BLTP1: variants seen among roughly 807,000 people sequenced by gnomAD.
BLTP1 encodes bridge-like lipid transfer protein family member 1.
At chr4:122,234,958 A>G in the BLTP1 span, 1 of 1,613,710 alleles carries the variant, frequency 6.2e-7, no homozygotes, top group Non-Finnish European at 8.5e-7. Flanking sequence ...GATATGTATT[A>G]TGGACAGTCT....
the BLTP1 span, among the ~76,000 whole-genome samples, chr4:122,311,723 G>T: frequency 6.6e-6 from 1 of 152,124 alleles, no homozygotes; most frequent in Non-Finnish European, 1.5e-5. Flanking sequence ...TAAATATTAG[G>T]ACAATATCAT....
At chr4:122,188,865 T>A in the BLTP1 span, 3 of 768,192 alleles carry the variant, frequency 3.9e-6, no homozygotes, top group Non-Finnish European at 3.2e-6. Flanking sequence ...GAAACATGAT[T>A]ATTCCTTTTT....
the BLTP1 span, chr4:122,292,243 C>T: frequency 3.4e-6 from 2 of 581,548 alleles, no homozygotes; most frequent in Non-Finnish European, 4.3e-6. Context: ...GCTGGGATTA[C>T]AGGCGTGAGC....
At chr4:122,257,659 A>G in the BLTP1 span, among the ~76,000 whole-genome samples, 1 of 152,154 alleles carries the variant, frequency 6.6e-6, no homozygotes, top group Non-Finnish European at 1.5e-5. Context: ...GTTTTTCCTC[A>G]CAGTTACAAA....
the BLTP1 span, chr4:122,324,381 T>C: frequency 3.8e-6 from 6 of 1,563,878 alleles, no homozygotes; most frequent in Non-Finnish European, 5.2e-6. Flanking sequence ...TCAAATACAG[T>C]AAATAATCAC....
the BLTP1 span, chr4:122,192,157 C>T: frequency 4.6e-6 from 7 of 1,515,720 alleles, no homozygotes; most frequent in African/African-American, 9.7e-5. Context: ...AATGTTGGAG[C>T]TACTGATCTA....
chr4:122,247,199 G>A, the BLTP1 span: 1 of 1,613,146 alleles, frequency 6.2e-7, no homozygotes, highest in Non-Finnish European at 8.5e-7. Flanking sequence ...GAACCTGGTA[G>A]AACATCAAAT....
the BLTP1 span, chr4:122,298,736 G>C: frequency 8.2e-5 from 36 of 441,008 alleles, no homozygotes; most frequent in Non-Finnish European, 1.1e-4. Context: ...ATAAATAGAG[G>C]ATGTATTGAG....
At chr4:122,154,921 T>A in the BLTP1 span, 1 of 948,334 alleles carries the variant, frequency 1.1e-6, no homozygotes, top group East Asian at 1.2e-4. Flanking sequence ...TTTTGGTTTG[T>A]TTTTCATAGA....
the BLTP1 span, among the ~76,000 whole-genome samples, chr4:122,352,639 C>T: frequency 2.6e-5 from 4 of 152,224 alleles, no homozygotes; most frequent in South Asian, 6.2e-4. Context: ...GGTTTACAGG[C>T]GTGAGCCACA....
At chr4:122,295,814 A>G in the BLTP1 span, among the ~76,000 whole-genome samples, 1 of 152,362 alleles carries the variant, frequency 6.6e-6, no homozygotes, top group South Asian at 2.1e-4. Flanking sequence ...CATCACAGAA[A>G]CAGAACTAAA....
At chr4:122,204,690 C>A in the BLTP1 span, 1 of 581,534 alleles carries the variant, frequency 1.7e-6, no homozygotes, top group Non-Finnish European at 2.2e-6. Context: ...GAAAATCAGT[C>A]TGATGAATGA....
At chr4:122,250,674 T>C in the BLTP1 span, 1 of 1,159,350 alleles carries the variant, frequency 8.6e-7, no homozygotes, top group East Asian at 2.5e-5. Flanking sequence ...TATTTGCCTG[T>C]CTTTCCCTAT....
chr4:122,254,506 G>A, the BLTP1 span: 6 of 914,990 alleles, frequency 6.6e-6, no homozygotes, highest in African/African-American at 1.8e-5. Flanking sequence ...GTAGACATTA[G>A]TCTTACCTTG....
the BLTP1 span, chr4:122,226,780 C>T: frequency 2.4e-5 from 38 of 1,612,968 alleles, no homozygotes; most frequent in Middle Eastern, 3.3e-4. Context: ...CTGGAAAGAC[C>T]GAAATCAGTT....
chr4:122,267,028 C>A, the BLTP1 span: 2 of 466,856 alleles, frequency 4.3e-6, no homozygotes, highest in African/African-American at 2.7e-5. Context: ...ACGTTACTTT[C>A]GTGTAATCCA....
the BLTP1 span, among the ~76,000 whole-genome samples, chr4:122,205,295 C>G: frequency 6.6e-6 from 1 of 151,516 alleles, no homozygotes; most frequent in Non-Finnish European, 1.5e-5. Flanking sequence ...TACCCTGTGC[C>G]AGTTACTTTG....
the BLTP1 span, chr4:122,152,484 C>T: frequency 4.1e-6 from 4 of 985,824 alleles, no homozygotes; most frequent in African/African-American, 1.7e-5. Context: ...CTGCATCCGG[C>T]TCGGTGCTGC....
chr4:122,324,282 C>T, the BLTP1 span: 2 of 735,232 alleles, frequency 2.7e-6, no homozygotes, highest in African/African-American at 3.7e-5. Flanking sequence ...CTGATTCCTC[C>T]TCTATTTTGA....
Sources: gnomAD v4.1 joint callset for allele counts (sites outside exome capture counted in the v4.1 genomes callset) on GRCh38, gnomAD v4.1.1 for gene constraint, MANE v1.5 for transcripts, NCBI Gene and HGNC (gene_info 2026-07-23, HGNC 2026-07-21) for gene names.